The following MYO1D variants were observed in gnomAD, a reference collection of about 807,000 sequenced individuals.
MYO1D encodes the protein unconventional myosin-Id.
In MYO1D, 83 loss-of-function variants were observed where a neutral mutation model predicts 122.0. That is an observed-to-expected ratio of 0.68 (90% CI 0.57 to 0.82). The LOEUF (loss-of-function observed/expected upper bound fraction) is 0.82. Ranked by LOEUF, MYO1D falls within the 40% of genes least tolerant of loss-of-function variation. The pLI is 0.00. For synonymous variants in MYO1D, 464 were observed against 446.9 expected (o/e 1.04, Z -0.48); for missense variants, 1,157 against 1,269.5 (o/e 0.91, Z 1.35).
intron 20 of MYO1D, among the ~76,000 whole-genome samples, chr17:32,625,084 C>A (rs1023778095): frequency 6.6e-6 from 1 of 152,212 alleles, no homozygotes; most frequent in Non-Finnish European, 1.5e-5. Context: ...AGCCACTGTG[C>A]CCAGCCCTTT....
At chr17:32,669,118 C>A (rs566057578) in intron 16 of MYO1D, among the ~76,000 whole-genome samples, 1 of 152,086 alleles carries the variant, frequency 6.6e-6, no homozygotes, top group East Asian at 1.9e-4. Context: ...GATATGCCAC[C>A]CAAAATTATG....
At chr17:32,522,681 C>T (rs564271254) in intron 21 of MYO1D, among the ~76,000 whole-genome samples, 5 of 152,156 alleles carry the variant, frequency 3.3e-5, no homozygotes, top group South Asian at 2.1e-4. Flanking sequence ...ATGAAGAACA[C>T]GGAAAAACGA....
intron 16 of MYO1D, among the ~76,000 whole-genome samples, chr17:32,689,782 G>A (rs867864401): frequency 4.6e-5 from 7 of 151,626 alleles, no homozygotes; most frequent in Admixed American, 3.9e-4. Flanking sequence ...GCAGCAGCAC[G>A]ATCTCAGCTC....
intron 16 of MYO1D, among the ~76,000 whole-genome samples, chr17:32,704,990 A>C (rs2089288676): frequency 6.6e-6 from 1 of 152,150 alleles, no homozygotes; most frequent in African/African-American, 2.4e-5. Context: ...CTATAAAATC[A>C]ATAAAACAGT....
chr17:32,555,448 GT>G (rs144815837), intron 21 of MYO1D, among the ~76,000 whole-genome samples: 9,360 of 151,874 alleles, frequency 0.062, 338 homozygotes, highest in African/African-American at 0.096. Flanking sequence ...TGTGCTTCCA[GT>G]TTTTTTTAAT....
At chr17:32,613,116 A>G (rs1409151971) in intron 20 of MYO1D, among the ~76,000 whole-genome samples, 1 of 152,098 alleles carries the variant, frequency 6.6e-6, no homozygotes, top group African/African-American at 2.4e-5. Flanking sequence ...AATTGACTTA[A>G]AGAAAGATAA....
At chr17:32,538,466 A>T (rs75518566) in intron 21 of MYO1D, among the ~76,000 whole-genome samples, 112 of 134,682 alleles carry the variant, frequency 8.3e-4, no homozygotes, top group East Asian at 4.3e-3. Flanking sequence ...TATTATTATT[A>T]TTATTTTTTT....
At chr17:32,788,824 C>G (rs2090323969) in intron 1 of MYO1D, among the ~76,000 whole-genome samples, 1 of 152,050 alleles carries the variant, frequency 6.6e-6, no homozygotes, top group Non-Finnish European at 1.5e-5. Flanking sequence ...TGCATTAAAT[C>G]TATAGATTGC....
intron 16 of MYO1D, among the ~76,000 whole-genome samples, chr17:32,672,793 T>A (rs907632139): frequency 2.6e-5 from 4 of 152,118 alleles, no homozygotes; most frequent in Non-Finnish European, 5.9e-5. Flanking sequence ...TTGAGTGTGA[T>A]CTCTAATGGC....
In MYO1D at chr17:32,507,736, G is replaced by A. The variant is rs539681644; in HGVS notation, c.2865-12821C>T. On this transcript the variant is annotated intron_variant, in intron 21 of 21. Transcript: ENST00000318217. Reference sequence around the variant, plus strand: ...ATCTGGGCTTTACAGAGGTCATTAAGGTTAAATGAGGTCATAGGAGCAGGG... The same window carrying A: ...ATCTGGGCTTTACAGAGGTCATTAAAGTTAAATGAGGTCATAGGAGCAGGG... 9.8e-5 allele frequency among the ~76,000 whole-genome samples: 15 copies of A among 152,292 alleles called. 2 individuals carry two copies. The highest frequency in any genetic ancestry group is 1.4e-4 in the African/African-American group (6 of 41,560).
At chr17:32,740,801 T>G (rs753725955) in intron 13 of MYO1D, among the ~76,000 whole-genome samples, 3 of 152,148 alleles carry the variant, frequency 2.0e-5, no homozygotes, top group Non-Finnish European at 2.9e-5. Flanking sequence ...AAAATAGTTT[T>G]CAACATATTT....
At chr17:32,566,233 T>G (rs1014435062) in intron 21 of MYO1D, among the ~76,000 whole-genome samples, 2 of 152,088 alleles carry the variant, frequency 1.3e-5, no homozygotes. Flanking sequence ...AACTGTGGTG[T>G]TATGAAGGAG....
chr17:32,824,588 A>G (rs1040253312), intron 1 of MYO1D, among the ~76,000 whole-genome samples: 4 of 152,182 alleles, frequency 2.6e-5, no homozygotes, highest in African/African-American at 9.7e-5. Context: ...AATTACCCCT[A>G]TTTGACAGAT....
chr17:32,721,183 A>G lies in MYO1D; in HGVS notation c.1753T>C (p.Tyr585His). Residue 585 changes from tyrosine (Y) to histidine (H), a missense_variant, in exon 15 of 22, where the codon TAT becomes CAT. Physicochemically the swap from Tyr to His is moderately conservative, Grantham distance 83 (BLOSUM62 2). Coordinates refer to ENST00000318217, the MANE Select transcript of MYO1D (RefSeq NM_015194.3). ...LVDNLASKEP[Y>H]YVRCIKPNDK... ...TTGGGTTTGATGCAACGAACGTAAT[A>G]TGGTTCCTAAAGAAATAAATCAGCA... 1 of 1,613,116 alleles carries G rather than the reference A, an allele frequency of 6.2e-7. No individual in the cohort carries two copies. Among genetic ancestry groups the G allele is most frequent in the African/African-American group, 1.3e-5 (1 of 75,012 alleles).
chr17:32,541,846 C>A (rs1282372660), intron 21 of MYO1D, among the ~76,000 whole-genome samples: 1 of 152,132 alleles, frequency 6.6e-6, no homozygotes, highest in Non-Finnish European at 1.5e-5. Flanking sequence ...GCTTCCCCGC[C>A]CCACCCCCTT....
chr17:32,619,696 T>C (rs2087829944), intron 20 of MYO1D, among the ~76,000 whole-genome samples: 1 of 152,244 alleles, frequency 6.6e-6, no homozygotes, highest in African/African-American at 2.4e-5. Context: ...CTAATTGTTT[T>C]ACTAATTGAA....
chr17:32,854,959 C>A (rs954666165), intron 1 of MYO1D, among the ~76,000 whole-genome samples: 5 of 152,128 alleles, frequency 3.3e-5, no homozygotes, highest in African/African-American at 4.8e-5. Context: ...AGTGTAGCTT[C>A]ACTCACACAC....
chr17:32,851,907 G>A (rs534274600), intron 1 of MYO1D, among the ~76,000 whole-genome samples: 9 of 152,310 alleles, frequency 5.9e-5, no homozygotes, highest in South Asian at 2.1e-4. Context: ...ACAGACCACC[G>A]TACCGGTCAG....
chr17:32,721,073 C>T lies in MYO1D; in HGVS notation c.1863G>A (p.Val621=), dbSNP rs749123624. ...EYLGLLENVR[V]RRAGFAFRQT... ...GGCGGAAGGCAAATCCTGCCCGACG[C>T]ACTCTCACATTTTCCAGTAGTCCAA... Residue 621 remains valine, a synonymous_variant, in exon 15 of 22, where the codon GTG becomes GTA. Coordinates refer to ENST00000318217, the MANE Select transcript of MYO1D (RefSeq NM_015194.3). 1.2e-6 allele frequency: 2 copies of T among 1,614,138 alleles called. No individual in the cohort carries two copies. The highest frequency in any genetic ancestry group is 1.1e-5 in the South Asian group (1 of 91,068).
Sources: gnomAD v4.1 joint callset for allele counts (sites outside exome capture counted in the v4.1 genomes callset) on GRCh38, gnomAD v4.1.1 for gene constraint, MANE v1.5 for transcripts, NCBI Gene and HGNC (gene_info 2026-07-23, HGNC 2026-07-21) for gene names.